Variants in BCAS3 observed in about 807,000 individuals in gnomAD.
BCAS3 encodes BCAS4/BCAS3 fusion.
BCAS3 carries 53 observed loss-of-function variants against 116.1 expected under a neutral mutation model. The ratio of observed to expected loss-of-function variants is 0.46; its 90% CI spans 0.37 to 0.57. The LOEUF is 0.57. Among genes scored for constraint, BCAS3 ranks in the 20% least tolerant of loss-of-function variants. The pLI, the probability that BCAS3 is intolerant of heterozygous loss-of-function variation, is 0.00. For missense variants in BCAS3, 917 were observed against 1,165.4 expected, an observed-to-expected ratio of 0.79 and a Z score of 3.10; for synonymous variants, 391 against 408.2, an observed-to-expected ratio of 0.96 and a Z score of 0.51.
At chr17:61,115,401 AC>A (rs2075365974) in intron 22 of BCAS3, among the ~76,000 whole-genome samples, 1 of 150,590 alleles carries the variant, frequency 6.6e-6, no homozygotes, top group Non-Finnish European at 1.5e-5. Context: ...CAAGAAAAAA[AC>A]AAACAACCCC....
intron 20 of BCAS3, among the ~76,000 whole-genome samples, 153 bp downstream of exon 20, chr17:61,075,173 A>G (rs575230787): frequency 1.3e-5 from 2 of 152,346 alleles, no homozygotes; most frequent in Admixed American, 1.3e-4. Flanking sequence ...TTACTCCACA[A>G]ATATTGCTGC....
At chr17:61,304,400 G>A (rs1018992941) in intron 22 of BCAS3, among the ~76,000 whole-genome samples, 1 of 152,338 alleles carries the variant, frequency 6.6e-6, no homozygotes, top group Admixed American at 6.5e-5. Flanking sequence ...ACCACTTGCT[G>A]CCTTGAGTTT....
chr17:61,275,310 C>T (rs2050675267), intron 22 of BCAS3, among the ~76,000 whole-genome samples: 1 of 152,032 alleles, frequency 6.6e-6, no homozygotes, highest in Admixed American at 6.5e-5. Context: ...AAGTAAATAT[C>T]ATAGATCTTG....
At chr17:60,788,656 G>C (rs911073335) in intron 6 of BCAS3, among the ~76,000 whole-genome samples, 4 of 151,946 alleles carry the variant, frequency 2.6e-5, no homozygotes, top group Non-Finnish European at 4.4e-5. Context: ...TGGGTTTGTT[G>C]ATGGTGCCTG....
At chr17:60,734,806 G>C (rs2040808139) in intron 5 of BCAS3, among the ~76,000 whole-genome samples, 1 of 152,126 alleles carries the variant, frequency 6.6e-6, no homozygotes, top group Non-Finnish European at 1.5e-5. Context: ...TGGCTATTCT[G>C]AATTTTTTAC....
intron 19 of BCAS3, among the ~76,000 whole-genome samples, chr17:61,045,823 TTCTCTCTCTCTC>T (rs1182475386): frequency 1.2e-4 from 4 of 34,624 alleles, no homozygotes; most frequent in African/African-American, 7.8e-4. Context: ...TCATCTCTCT[TTCTCTCTCTCTC>T]TCTCTCTCTC....
intron 7 of BCAS3, among the ~76,000 whole-genome samples, chr17:60,852,829 C>T (rs923838132): frequency 1.3e-5 from 2 of 152,188 alleles, no homozygotes; most frequent in Admixed American, 6.5e-5. Flanking sequence ...AACAGGAATG[C>T]TCATTTATTG....
At position 61,128,307 on chromosome 17, in the gene BCAS3, GA is replaced by G; in HGVS notation, c.2425+43744del. The G allele has an allele frequency of 1.0e-6, 1 of 985,428 alleles. No individual in the cohort carries two copies. The highest frequency in any genetic ancestry group is 1.2e-6 in the Non-Finnish European group (1 of 829,930). The allele number at this position is 985,428 out of a possible 1,614,324, so 61.0% of individuals were successfully genotyped here. ...TTTCATCTACGGCTGAGATGCAGAG[GA>G]GAGACTTAGTGAAATATGCAGAGCT... On this transcript the variant is annotated intron_variant, in intron 22 of 23. Transcript: ENST00000407086. This position sits in a 1 kb window ranked among gnomAD's most constrained non-coding sequence, Gnocchi z 4.1.
rs941637147 is a variant in BCAS3 at position 61,128,853 on chromosome 17, A to C, written c.2425+44289A>C. Reference sequence around the variant, plus strand: ...AGTCTCTCCTAAACACATGGTTAGCACAGAAAATTTAAATCAGTTCCCCAA... The same window carrying C: ...AGTCTCTCCTAAACACATGGTTAGCCCAGAAAATTTAAATCAGTTCCCCAA... On this transcript the variant is annotated intron_variant, in intron 22 of 23. Coordinates refer to ENST00000407086, the MANE Select transcript of BCAS3 (RefSeq NM_017679.5). The surrounding 1 kb of genome is among the most constrained non-coding windows in gnomAD (Gnocchi z 4.1). 6.6e-6 allele frequency among the ~76,000 whole-genome samples: 1 copy of C among 152,232 alleles called. No homozygotes were observed. The highest frequency in any genetic ancestry group is 2.4e-5 in the African/African-American group (1 of 41,464).
intron 22 of BCAS3, among the ~76,000 whole-genome samples, chr17:61,192,990 T>C (rs1452692642): frequency 6.6e-6 from 1 of 152,200 alleles, no homozygotes; most frequent in East Asian, 1.9e-4. Context: ...TGCGGGGCAC[T>C]GTGGCTCATG....
intron 7 of BCAS3, among the ~76,000 whole-genome samples, chr17:60,829,025 A>G (rs886066424): frequency 1.3e-5 from 2 of 152,192 alleles, no homozygotes; most frequent in Non-Finnish European, 2.9e-5. Flanking sequence ...GCAAAGAATT[A>G]TCTAGCTCAT....
intron 5 of BCAS3, among the ~76,000 whole-genome samples, chr17:60,731,993 T>C (rs1176129304): frequency 1.3e-5 from 2 of 152,110 alleles, no homozygotes; most frequent in Non-Finnish European, 2.9e-5. Flanking sequence ...CAGGCTGGTC[T>C]CAAACTCTTA....
chr17:61,038,699 C>T (rs1389319622), intron 18 of BCAS3, among the ~76,000 whole-genome samples: 4 of 123,926 alleles, frequency 3.2e-5, no homozygotes, highest in African/African-American at 9.2e-5. Flanking sequence ...GAGACAGTCT[C>T]GCTCTGTTGC....
Position 61,186,719 on chromosome 17 carries a change from T to G in BCAS3, c.2425+102155T>G, listed in dbSNP as rs905307800. 6.6e-6 allele frequency among the ~76,000 whole-genome samples: 1 copy of G among 152,082 alleles called. No individual in the cohort carries two copies. The highest frequency in any genetic ancestry group is 6.6e-5 in the Admixed American group (1 of 15,266). On this transcript the variant is annotated intron_variant, in intron 22 of 23. Coordinates refer to ENST00000407086, the MANE Select transcript of BCAS3 (RefSeq NM_017679.5). This position sits in a 1 kb window ranked among gnomAD's most constrained non-coding sequence, Gnocchi z 4.9. The stretch of plus-strand genomic sequence containing the variant: ...GAGGCCACCAATATTAACAGTTGTT[T>G]TTTTTTTTTGAGACGGAGTCTCGCT...
Position 61,128,364 on chromosome 17 carries a change from G to A in BCAS3, c.2425+43800G>A, listed in dbSNP as rs2076154267. ...CCAGTTCCTTTCTTATTTGTTTGAT[G>A]TACAGGCTTATTTAAGTGAAAGGTG... On this transcript the variant is annotated intron_variant, in intron 22 of 23. Coordinates refer to ENST00000407086, the MANE Select transcript of BCAS3 (RefSeq NM_017679.5). This position sits in a 1 kb window ranked among gnomAD's most constrained non-coding sequence, Gnocchi z 4.1. 1.2e-5 allele frequency: 12 copies of A among 985,368 alleles called. No individual in the cohort carries two copies. Among genetic ancestry groups the A allele is most frequent in the Non-Finnish European group, 1.4e-5 (12 of 829,924 alleles). The allele number at this position is 985,368 out of a possible 1,614,324, so 61.0% of individuals were successfully genotyped here.
chr17:60,744,730 C>T (rs2041887369), intron 5 of BCAS3, among the ~76,000 whole-genome samples: 3 of 150,726 alleles, frequency 2.0e-5, no homozygotes, highest in Admixed American at 6.7e-5. Flanking sequence ...TAATTAAACA[C>T]AGATCCTAGG....
intron 16 of BCAS3, among the ~76,000 whole-genome samples, chr17:61,016,589 G>A (rs1290699236): frequency 3.3e-5 from 5 of 152,108 alleles, no homozygotes; most frequent in Non-Finnish European, 5.9e-5. Flanking sequence ...ATATTCAATT[G>A]TATATTAACA....
intron 19 of BCAS3, among the ~76,000 whole-genome samples, chr17:61,057,966 T>C (rs2069562570): frequency 6.6e-6 from 1 of 152,144 alleles, no homozygotes; most frequent in Non-Finnish European, 1.5e-5. Flanking sequence ...TTTTTTTATA[T>C]TGAAGCCTCT....
rs1029352211 is a variant in BCAS3, at chr17:61,141,628, C to T, written c.2425+57064C>T. ...CTTATTAAAACTTAAACAGGCTGGG[C>T]GTGGTGGCTCACACCTGTAATCCCA... On this transcript the variant is annotated intron_variant, in intron 22 of 23. Coordinates refer to ENST00000407086, the MANE Select transcript of BCAS3 (RefSeq NM_017679.5). The surrounding 1 kb of genome is among the most constrained non-coding windows in gnomAD (Gnocchi z 4.3). 5.9e-5 allele frequency among the ~76,000 whole-genome samples: 9 copies of T among 152,076 alleles called. No homozygotes were observed. In the South Asian group the frequency reaches 6.2e-4, roughly 11 times the overall value.
Sources: allele counts gnomAD v4.1 joint callset (sites outside exome capture counted in the v4.1 genomes callset), GRCh38; gene constraint gnomAD v4.1.1; non-coding constraint Gnocchi (gnomAD v3.1); transcripts MANE v1.5; gene names NCBI Gene and HGNC (gene_info 2026-07-23, HGNC 2026-07-21).